Variants in ENPP6 observed in about 807,000 individuals in gnomAD.
ENPP6 encodes glycerophosphocholine cholinephosphodiesterase ENPP6.
In ENPP6, 32 loss-of-function variants were observed where a neutral mutation model predicts 42.0. The ratio of observed to expected loss-of-function variants is 0.76; its 90% CI spans 0.58 to 1.02. The LOEUF is 1.02. Ranked by LOEUF, ENPP6 falls within the 50% of genes least tolerant of loss-of-function variation. The pLI, the probability that ENPP6 is intolerant of heterozygous loss-of-function variation, is 0.00. For missense variants in ENPP6, 552 were observed against 566.8 expected (o/e 0.97, Z 0.27); for synonymous variants, 213 against 216.0 (o/e 0.99, Z 0.12).
At position 184,089,022 on chromosome 4, in the gene ENPP6, G is replaced by T. The variant is rs1250448615; in HGVS notation, c.*2155C>A. 1 of 152,172 alleles carries T rather than the reference G, an allele frequency of 6.6e-6. No individual in the cohort carries two copies. Among genetic ancestry groups the T allele is most frequent in the Non-Finnish European group, 1.5e-5 (1 of 68,028 alleles). The allele number at this position is 152,172 out of a possible 1,614,324, so 9.4% of individuals were successfully genotyped here. On this transcript the variant is annotated 3_prime_UTR_variant, in exon 8 of 8. Coordinates refer to ENST00000296741, the MANE Select transcript of ENPP6 (RefSeq NM_153343.4). The stretch of plus-strand genomic sequence containing the variant: ...ATCTCTTAGGGATTCTTCCTCCACA[G>T]TGGAGGAAAGTGGGCTCTACTGAAT...
chr4:184,152,036 C>T (rs905246754), intron 2 of ENPP6, among the ~76,000 whole-genome samples: 1 of 152,224 alleles, frequency 6.6e-6, no homozygotes, highest in Admixed American at 6.5e-5. Flanking sequence ...ATCAACCCCC[C>T]TGAAGCTGTG....
At chr4:184,119,758 C>T (rs1034263127) in intron 3 of ENPP6, among the ~76,000 whole-genome samples, 1 of 152,016 alleles carries the variant, frequency 6.6e-6, no homozygotes, top group Admixed American at 6.6e-5. Flanking sequence ...TATTGCTATT[C>T]TCATGATCGT....
chr4:184,203,114 G>T (rs2111117007), intron 1 of ENPP6, among the ~76,000 whole-genome samples: 1 of 152,198 alleles, frequency 6.6e-6, no homozygotes, highest in Middle Eastern at 3.4e-3. Context: ...AGCCAAGTGT[G>T]GGGGCAGGTG....
At chr4:184,170,755 C>T (rs1737447709) in intron 1 of ENPP6, among the ~76,000 whole-genome samples, 1 of 152,208 alleles carries the variant, frequency 6.6e-6, no homozygotes, top group African/African-American at 2.4e-5. Context: ...CATGTACTTG[C>T]TCTCGCGTCA....
intron 6 of ENPP6, among the ~76,000 whole-genome samples, chr4:184,099,501 C>G (rs1204954073): frequency 1.3e-5 from 2 of 152,346 alleles, no homozygotes; most frequent in African/African-American, 4.8e-5. Flanking sequence ...TGGCAACGGT[C>G]TGGTCCGCAG....
At chr4:184,102,923 C>T (rs1299190725) in intron 6 of ENPP6, among the ~76,000 whole-genome samples, 2 of 152,246 alleles carry the variant, frequency 1.3e-5, no homozygotes, top group Non-Finnish European at 2.9e-5. Flanking sequence ...GTGCAGTCAG[C>T]CATGAGAACC....
At chr4:184,199,919 A>G (rs1190057060) in intron 1 of ENPP6, among the ~76,000 whole-genome samples, 1 of 152,196 alleles carries the variant, frequency 6.6e-6, no homozygotes, top group African/African-American at 2.4e-5. Flanking sequence ...CTCCCAGCAC[A>G]CATCCCTGAT....
chr4:184,196,457 A>C (rs1297488603), intron 1 of ENPP6, among the ~76,000 whole-genome samples: 1 of 152,254 alleles, frequency 6.6e-6, no homozygotes, highest in Admixed American at 6.5e-5. Context: ...ATGTATGACT[A>C]TGTATGTCAA....
chr4:184,116,841 A>C lies in ENPP6; in HGVS notation c.855+15T>G. ...CCCACATGGCCCTCCTCCGCCCCCC[A>C]CGGGTCTGTCTTGCCTCAGAGTGTT... On this transcript the variant is annotated intron_variant, in intron 5 of 7. Transcript: ENST00000296741. The C allele has an allele frequency of 6.2e-7, 1 of 1,612,548 alleles. No homozygotes were observed. The highest frequency in any genetic ancestry group is 8.5e-7 in the Non-Finnish European group (1 of 1,179,710).
At chr4:184,112,913 GA>G in intron 5 of ENPP6, 104 bp from the exon 6 acceptor site, 1 of 1,258,944 alleles carries the variant, frequency 7.9e-7, no homozygotes, top group Non-Finnish European at 1.1e-6. Flanking sequence ...ACCAAAGAAA[GA>G]AATTGCCAAA....
intron 3 of ENPP6, among the ~76,000 whole-genome samples, chr4:184,122,970 G>C (rs547011063): frequency 6.6e-6 from 1 of 152,296 alleles, no homozygotes; most frequent in East Asian, 1.9e-4. Flanking sequence ...GCTCATCCTT[G>C]TGTGGTTCTC....
chr4:184,139,226 A>G (rs1736779695), intron 2 of ENPP6, among the ~76,000 whole-genome samples: 1 of 152,232 alleles, frequency 6.6e-6, no homozygotes, highest in Non-Finnish European at 1.5e-5. Flanking sequence ...TGGCTAGGCA[A>G]CGGCCAGCAA....
At chr4:184,180,001 A>T (rs1732527159) in intron 1 of ENPP6, among the ~76,000 whole-genome samples, 1 of 152,220 alleles carries the variant, frequency 6.6e-6, no homozygotes, top group African/African-American at 2.4e-5. Flanking sequence ...AGCTAGCAGA[A>T]GACAAGAAAT....
intron 2 of ENPP6, among the ~76,000 whole-genome samples, chr4:184,134,662 GT>G (rs927656398): frequency 1.2e-4 from 16 of 130,686 alleles, no homozygotes; most frequent in African/African-American, 1.4e-4. Flanking sequence ...CACTTTAACA[GT>G]TTTTTTTTCC....
intron 7 of ENPP6, among the ~76,000 whole-genome samples, chr4:184,096,598 G>T (rs555434030): frequency 3.3e-5 from 5 of 152,292 alleles, no homozygotes; most frequent in Admixed American, 2.6e-4. Context: ...GGATCCATCT[G>T]TTAAATCAAA....
intron 1 of ENPP6, among the ~76,000 whole-genome samples, chr4:184,169,855 G>A (rs979777872): frequency 3.3e-5 from 5 of 152,130 alleles, no homozygotes; most frequent in African/African-American, 1.2e-4. Context: ...GAAAATATTC[G>A]AATGCACAAA....
intron 2 of ENPP6, among the ~76,000 whole-genome samples, chr4:184,149,186 C>A (rs1441338166): frequency 6.6e-6 from 1 of 152,174 alleles, no homozygotes; most frequent in African/African-American, 2.4e-5. Context: ...TGCATAGAGG[C>A]CGTGACTTAG....
In ENPP6 at chr4:184,162,405, C is replaced by T. The variant is rs1271947207; in HGVS notation, c.242-8672G>A. Among the ~76,000 whole-genome samples, 3 of 152,126 alleles carry T rather than the reference C, an allele frequency of 2.0e-5. No homozygotes were observed. The East Asian group carries it at 5.8e-4, about 29-fold the overall frequency. ...ACTTGAATGAATATGTGAAAGTTTG[C>T]TTTTTCTACAAAGACAACTTCAATA... On this transcript the variant is annotated intron_variant, in intron 1 of 7. Coordinates refer to ENST00000296741, the MANE Select transcript of ENPP6 (RefSeq NM_153343.4).
At chr4:184,124,337 T>G in intron 2 of ENPP6, 65 bp from the exon 3 acceptor site, 3 of 1,226,736 alleles carry the variant, frequency 2.4e-6, no homozygotes, top group Non-Finnish European at 3.5e-6. Context: ...TATGAGCCTA[T>G]TTCAGGAAGC....
Sources: gnomAD v4.1 joint callset for allele counts (sites outside exome capture counted in the v4.1 genomes callset) on GRCh38, gnomAD v4.1.1 for gene constraint, MANE v1.5 for transcripts, NCBI Gene and HGNC (gene_info 2026-07-23, HGNC 2026-07-21) for gene names.